Variants in NALCN observed in about 807,000 individuals in gnomAD.
The protein encoded by NALCN is sodium leak channel, non-selective.
A neutral mutation model predicts 225.3 loss-of-function variants in NALCN; 111 were observed. The observed-to-expected ratio is 0.49, with a 90% CI of 0.42 to 0.58. The LOEUF is 0.58. Ranked by LOEUF, NALCN falls within the 20% of genes least tolerant of loss-of-function variation. The pLI is 0.00. For missense variants in NALCN, 1,378 were observed against 2,202.4 expected, an observed-to-expected ratio of 0.63 and a Z score of 7.49; for synonymous variants, 764 against 769.0, an observed-to-expected ratio of 0.99 and a Z score of 0.11.
intron 7 of NALCN, among the ~76,000 whole-genome samples, chr13:101,297,853 G>A (rs969328826): frequency 3.9e-5 from 6 of 152,284 alleles, no homozygotes; most frequent in South Asian, 2.1e-4. Context: ...TGTTACTCAA[G>A]ATCATCAGTT....
chr13:101,103,293 T>C lies in NALCN; in HGVS notation c.2936A>G (p.Glu979Gly). The C allele has an allele frequency of 6.2e-7, 1 of 1,613,866 alleles. No homozygotes were observed. Among genetic ancestry groups the C allele is most frequent in the Non-Finnish European group, 8.5e-7 (1 of 1,179,846 alleles). Reference protein sequence around the residue: ...LCWMPQNVPAESGAQLLMVLR... With the variant: ...LCWMPQNVPAGSGAQLLMVLR... ...GACCATTAGAAGCTGAGCTCCCGAT[T>C]CAGCAGGTACATTTTGAGGCATCCA... Residue 979 changes from glutamate (E) to glycine (G), a missense_variant, in exon 26 of 44, where the codon GAA (glutamate) becomes GGA (glycine). Coordinates refer to ENST00000251127, the MANE Select transcript of NALCN (RefSeq NM_052867.4).
Position 101,276,062 on chromosome 13 carries a change from CAAAAAAAAA to C in NALCN, c.1134+7862_1134+7870del, listed in dbSNP as rs59471123. Among the ~76,000 whole-genome samples, 14 of 84,314 alleles carry C rather than the reference CAAAAAAAAA, an allele frequency of 1.7e-4. No homozygotes were observed. The East Asian group carries it at 4.3e-3, about 26-fold the overall frequency. 55.3% of individuals were successfully genotyped at this position (84,314 alleles called of 152,430 possible). On this transcript the variant is annotated intron_variant, in intron 10 of 43. Transcript: ENST00000251127. ...CTGATGACAGAGCGAGACTCCTTCT[CAAAAAAAAA>C]AAAAAAAAAAAAAAAAAAAAAGGAA...
chr13:101,193,270 C>T (rs1486507900), intron 13 of NALCN, among the ~76,000 whole-genome samples: 2 of 152,030 alleles, frequency 1.3e-5, no homozygotes, highest in Non-Finnish European at 2.9e-5. Flanking sequence ...TGAAGTCTAC[C>T]CAGGATCTAC....
rs756401086 is a variant in NALCN, at chr13:101,059,855, G to A, written c.4868C>T (p.Thr1623Met). 78 of 1,613,836 alleles carry A rather than the reference G, an allele frequency of 4.8e-5. No homozygotes were observed. The highest frequency in any genetic ancestry group is 6.0e-5 in the Non-Finnish European group (71 of 1,179,998). Reference sequence around the variant, plus strand: ...GCTGTTGTCCTGACTGTTGGCATTCGTGTCCTCACTGGGCTGGGTGGTCTC... The same window carrying A: ...GCTGTTGTCCTGACTGTTGGCATTCATGTCCTCACTGGGCTGGGTGGTCTC... Reference protein sequence around the residue: ...SIETTQPSEDTNANSQDNSMQ... With the variant: ...SIETTQPSEDMNANSQDNSMQ... The change falls in exon 42 of 44, where the codon ACG (threonine) becomes ATG (methionine). Residue 1623 changes from threonine (T) to methionine (M), a missense_variant. By Grantham distance (81) the Thr-to-Met change is moderately conservative. This residue lies in a region of NALCN where 145 missense variants were observed against 169.6 expected (regional missense o/e 0.85). Transcript: ENST00000251127.
At chr13:101,074,459 T>G (rs567690631) in intron 36 of NALCN, 55 bp downstream of exon 36, 7 of 1,429,794 alleles carry the variant, frequency 4.9e-6, no homozygotes, top group African/African-American at 1.4e-5. Context: ...TATTTAAAAT[T>G]TTATTACCAA....
At chr13:101,060,449 A>ATTTTTTTTTTTTTTTT (rs55697849) in intron 41 of NALCN, among the ~76,000 whole-genome samples, 1 of 93,718 alleles carries the variant, frequency 1.1e-5, no homozygotes, top group African/African-American at 4.4e-5. Flanking sequence ...TGGCTAATTA[A>ATTTTTTTTTTTTTTTT]TTTTTTTTTT....
At chr13:101,207,095 T>C (rs1358531859) in intron 13 of NALCN, among the ~76,000 whole-genome samples, 1 of 152,192 alleles carries the variant, frequency 6.6e-6, no homozygotes, top group Non-Finnish European at 1.5e-5. Context: ...CATCTCAGGT[T>C]ACTTTCTTAG....
At chr13:101,390,540 G>A in intron 3 of NALCN, among the ~76,000 whole-genome samples, 1 of 152,080 alleles carries the variant, frequency 6.6e-6, no homozygotes, top group Admixed American at 6.5e-5. Flanking sequence ...ATCACATGAT[G>A]AAACTAGGAA....
intron 7 of NALCN, among the ~76,000 whole-genome samples, chr13:101,310,665 C>G (rs496903): frequency 6.6e-6 from 1 of 151,822 alleles, no homozygotes; most frequent in Non-Finnish European, 1.5e-5. Context: ...TAGAATTTGT[C>G]AACTCCATGA....
chr13:101,282,243 A>G (rs1239182427), intron 10 of NALCN, among the ~76,000 whole-genome samples: 1 of 152,210 alleles, frequency 6.6e-6, no homozygotes, highest in Non-Finnish European at 1.5e-5. Context: ...TGGTCAAGAC[A>G]GGGAACAACC....
intron 34 of NALCN, among the ~76,000 whole-genome samples, chr13:101,080,852 G>C (rs2033606844): frequency 6.6e-6 from 1 of 151,616 alleles, no homozygotes; most frequent in African/African-American, 2.4e-5. Context: ...AATGTTAAGT[G>C]ATATCTGTGG....
chr13:101,275,000 C>A (rs934759118), intron 10 of NALCN, among the ~76,000 whole-genome samples: 10 of 152,072 alleles, frequency 6.6e-5, no homozygotes, highest in African/African-American at 2.4e-4. Flanking sequence ...TTAAAAAGGG[C>A]GGTTTCAAAC....
At chr13:101,228,090 G>A (rs985015153) in intron 13 of NALCN, among the ~76,000 whole-genome samples, 1 of 152,024 alleles carries the variant, frequency 6.6e-6, no homozygotes, top group African/African-American at 2.4e-5. Flanking sequence ...CCTCAACTGA[G>A]AATTTCTTGA....
chr13:101,095,122 C>T (rs954855511), intron 28 of NALCN, among the ~76,000 whole-genome samples: 1 of 152,140 alleles, frequency 6.6e-6, no homozygotes, highest in African/African-American at 2.4e-5. Flanking sequence ...TTATTCCTCT[C>T]TAGTGTTTCA....
chr13:101,297,505 C>G (rs1241078823), intron 7 of NALCN, among the ~76,000 whole-genome samples: 3 of 152,202 alleles, frequency 2.0e-5, no homozygotes, highest in East Asian at 3.9e-4. Context: ...TTAACCCCTC[C>G]AGGGATATGG....
chr13:101,398,785 C>T (rs1311149147), intron 2 of NALCN, among the ~76,000 whole-genome samples: 1 of 152,100 alleles, frequency 6.6e-6, no homozygotes, highest in East Asian at 1.9e-4. Context: ...GGACAGGGTG[C>T]ACAGCGTGGG....
intron 2 of NALCN, 136 bp downstream of exon 2, chr13:101,398,883 T>C (rs532783138): frequency 6.9e-5 from 41 of 590,388 alleles, no homozygotes; most frequent in Middle Eastern, 4.6e-4. Context: ...TGTTCTCTAC[T>C]TCCAGACTCT....
At chr13:101,156,572 C>T (rs953597259) in intron 15 of NALCN, among the ~76,000 whole-genome samples, 1 of 152,138 alleles carries the variant, frequency 6.6e-6, no homozygotes, top group Non-Finnish European at 1.5e-5. Context: ...CCTATCCTCT[C>T]TCTTAAAATA....
At chr13:101,081,424 C>A (rs1051799380) in intron 34 of NALCN, 103 bp downstream of exon 34, 5 of 1,543,906 alleles carry the variant, frequency 3.2e-6, no homozygotes, top group Non-Finnish European at 4.4e-6. Flanking sequence ...TCTAACACCT[C>A]AGAGCAGGTT....
Sources: gnomAD v4.1 joint callset for allele counts (sites outside exome capture counted in the v4.1 genomes callset) on GRCh38, gnomAD v4.1.1 for gene constraint, gnomAD v4.1.1 regional missense constraint, MANE v1.5 for transcripts, NCBI Gene and HGNC (gene_info 2026-07-23, HGNC 2026-07-21) for gene names.